PHYKPL: variants seen among roughly 807,000 people sequenced by gnomAD.
PHYKPL encodes 5-phosphonooxy-L-lysine phospho-lyase.
A neutral mutation model predicts 51.3 loss-of-function variants in PHYKPL; 42 were observed. The ratio of observed to expected loss-of-function variants is 0.82; its 90% CI spans 0.64 to 1.06. The LOEUF (loss-of-function observed/expected upper bound fraction) is 1.06. PHYKPL is among the 50% of genes least tolerant of loss of function. The probability of loss-of-function intolerance (pLI) is 0.00; values close to 1 mark genes in which losing one functional copy is unlikely to be tolerated. For synonymous variants in PHYKPL, 264 were observed against 236.0 expected, an observed-to-expected ratio of 1.12 and a Z score of -1.09; for missense variants, 655 against 586.6, an observed-to-expected ratio of 1.12 and a Z score of -1.20.
chr5:178,222,979 G>T, intron 6 of PHYKPL, 45 bp from the exon 7 acceptor site: 2 of 1,598,552 alleles, frequency 1.3e-6, no homozygotes. Context: ...GGGTTGTGCA[G>T]TGACCGGCTT....
intron 11 of PHYKPL, among the ~76,000 whole-genome samples, chr5:178,212,639 G>A (rs144648757): frequency 1.9e-4 from 29 of 152,358 alleles, no homozygotes; most frequent in African/African-American, 5.5e-4. Flanking sequence ...ATCCTAGGCT[G>A]GCGGTAATGG....
At chr5:178,215,251 G>A in intron 9 of PHYKPL, 25 bp downstream of exon 9, 1 of 1,613,756 alleles carries the variant, frequency 6.2e-7, no homozygotes, top group Non-Finnish European at 8.5e-7. Context: ...CAGGTGGGTG[G>A]TGACTGCTGC....
intron 3 of PHYKPL, chr5:178,228,739 C>T (rs918428682): frequency 5.6e-5 from 36 of 643,992 alleles, no homozygotes; most frequent in African/African-American, 4.7e-4. Context: ...ACACTGTAAT[C>T]GCCTGCCTGT....
intron 8 of PHYKPL, chr5:178,216,092 T>C (rs1219532167): frequency 6.6e-6 from 1 of 152,252 alleles, no homozygotes; most frequent in African/African-American, 2.4e-5. Flanking sequence ...TGTACCTGTG[T>C]AACCTCCCTC....
At chr5:178,228,168 G>T in intron 3 of PHYKPL, 1 of 237,210 alleles carries the variant, frequency 4.2e-6, no homozygotes, top group Non-Finnish European at 8.2e-6. Flanking sequence ...TGGATGCTAT[G>T]TAATACCAAG....
intron 8 of PHYKPL, chr5:178,215,792 C>T (rs999962164): frequency 4.9e-6 from 1 of 205,162 alleles, no homozygotes; most frequent in African/African-American, 2.3e-5. Flanking sequence ...CTGGATTAGG[C>T]ACTTCCTCCT....
At chr5:178,227,927 T>C (rs1762611932) in intron 3 of PHYKPL, among the ~76,000 whole-genome samples, 1 of 152,188 alleles carries the variant, frequency 6.6e-6, no homozygotes, top group Admixed American at 6.5e-5. Flanking sequence ...GGTTTCTGCC[T>C]GGAGCAGATA....
intron 2 of PHYKPL, 61 bp from the exon 3 acceptor site, chr5:178,230,160 C>G: frequency 6.3e-7 from 1 of 1,598,592 alleles, no homozygotes; most frequent in South Asian, 1.1e-5. Flanking sequence ...ACTGGGCCTC[C>G]CCCAGCCCCA....
intron 9 of PHYKPL, 58 bp downstream of exon 9, chr5:178,215,218 A>C: frequency 6.2e-7 from 1 of 1,609,382 alleles, no homozygotes. Context: ...AGGTGAAGAA[A>C]ATGGTACCAC....
intron 8 of PHYKPL, among the ~76,000 whole-genome samples, chr5:178,218,683 G>C (rs1178403177): frequency 6.6e-6 from 1 of 152,094 alleles, no homozygotes; most frequent in Non-Finnish European, 1.5e-5. Context: ...ATGGTATTTT[G>C]TTATAGTTAT....
chr5:178,229,229 C>A (rs1029948006), intron 3 of PHYKPL, among the ~76,000 whole-genome samples: 2 of 151,984 alleles, frequency 1.3e-5, no homozygotes, highest in African/African-American at 4.8e-5. Context: ...CCCCAGCCTC[C>A]TGAGTAGTTG....
intron 11 of PHYKPL, 31 bp downstream of exon 11, chr5:178,212,942 A>C (rs1371989873): frequency 2.5e-6 from 4 of 1,612,116 alleles, no homozygotes; most frequent in African/African-American, 1.3e-5. Flanking sequence ...TGAGTTCTAG[A>C]GATATGGCCA....
intron 3 of PHYKPL, among the ~76,000 whole-genome samples, chr5:178,227,462 G>A (rs1370167526): frequency 1.3e-5 from 2 of 152,232 alleles, no homozygotes; most frequent in Admixed American, 6.5e-5. Flanking sequence ...TCTATGGGGA[G>A]GTGACTCATG....
In PHYKPL at chr5:178,232,622, C is replaced by CAG. The variant is rs1763766003; in HGVS notation, c.-73_-72insCT. The CAG allele has an allele frequency of 4.8e-6, 6 of 1,237,702 alleles. No homozygotes were observed. Among genetic ancestry groups the CAG allele is most frequent in the Non-Finnish European group, 6.1e-6 (6 of 990,448 alleles). 76.7% of individuals were successfully genotyped at this position (1,237,702 alleles called of 1,614,324 possible). A position where few individuals can be genotyped will look rare whatever the true frequency, so the allele number is the denominator to read the frequency against. ...CCGCGCGGGCTGGGCCTCCAAGGCC[C>CAG]CGCTCCGGGCCCCGCCCCTGCCTGG... On this transcript the variant is annotated 5_prime_UTR_variant, in exon 1 of 13. Transcript: ENST00000308158.
chr5:178,209,477 T>G (rs1322398476), intron 12 of PHYKPL: 1 of 1,579,210 alleles, frequency 6.3e-7, no homozygotes, highest in East Asian at 2.2e-5. Flanking sequence ...AGATAGGTCC[T>G]GTTTCCCTGC....
In PHYKPL at chr5:178,231,888, C is replaced by A. The variant is rs191799977; in HGVS notation, c.60-365G>T. 21 of 1,314,912 alleles carry A rather than the reference C, an allele frequency of 1.6e-5. No homozygotes were observed. In the East Asian group the frequency reaches 1.1e-3, roughly 70 times the overall value. The allele number at this position is 1,314,912 out of a possible 1,614,324, so 81.5% of individuals were successfully genotyped here. ...GTGTCTTCGATGGGATGGGCCAGGG[C>A]ACCAACATTAGGTGCCTGGCTCTCA... On this transcript the variant is annotated intron_variant, in intron 1 of 12. Coordinates refer to ENST00000308158, the MANE Select transcript of PHYKPL (RefSeq NM_153373.4).
At chr5:178,210,119 G>T in intron 12 of PHYKPL, 1 of 1,613,884 alleles carries the variant, frequency 6.2e-7, no homozygotes, top group South Asian at 1.1e-5. Flanking sequence ...CCTGTGCCCT[G>T]CTCCCCCCAC....
rs578052208 is a variant in PHYKPL, at chr5:178,230,048, A to G, written c.230T>C (p.Val77Ala). ...CAGGTACCGGCTGTTGGTGTTGAGC[A>G]CCTGGTTCTGCTCATGTGCTGCTTG... ...VVQAAHEQNQ[V>A]LNTNSRYLHD... Residue 77 changes from valine to alanine, a missense_variant, in exon 3 of 13, where the codon GTG becomes GCG. Val to Ala is a moderately conservative substitution (Grantham distance 64). Transcript: ENST00000308158. The G allele has an allele frequency of 6.2e-7, 1 of 1,614,142 alleles. No homozygotes were observed. The highest frequency in any genetic ancestry group is 8.5e-7 in the Non-Finnish European group (1 of 1,180,022).
chr5:178,213,184 C>A, intron 10 of PHYKPL, 81 bp from the exon 11 acceptor site: 1 of 1,563,168 alleles, frequency 6.4e-7, no homozygotes, highest in Non-Finnish European at 8.7e-7. Flanking sequence ...GTGCTCCAGC[C>A]ACACTGTCCT....
Sources: allele counts gnomAD v4.1 joint callset (sites outside exome capture counted in the v4.1 genomes callset), GRCh38; gene constraint gnomAD v4.1.1; transcripts MANE v1.5; gene names NCBI Gene and HGNC (gene_info 2026-07-23, HGNC 2026-07-21).